SYCP2L: variants seen among roughly 807,000 people sequenced by gnomAD.
The protein encoded by SYCP2L is synaptonemal complex protein 2 like.
In SYCP2L, 98 loss-of-function variants were observed where a neutral mutation model predicts 125.8. That is an observed-to-expected ratio of 0.78 (90% CI 0.66 to 0.92). SYCP2L has a LOEUF of 0.92. Ranked by LOEUF, SYCP2L falls within the 40% of genes least tolerant of loss-of-function variation. The pLI is 0.00. For synonymous variants in SYCP2L, 317 were observed against 325.4 expected (o/e 0.97, Z 0.28); for missense variants, 842 against 936.4 (o/e 0.90, Z 1.32).
intron 11 of SYCP2L, 106 bp from the exon 12 acceptor site, chr6:10,910,718 G>A (rs866058557): frequency 8.4e-7 from 1 of 1,184,288 alleles, no homozygotes; most frequent in Non-Finnish European, 1.3e-6. Flanking sequence ...TCTGTACGAG[G>A]AGACTTAATG....
intron 23 of SYCP2L, 91 bp downstream of exon 23, chr6:10,942,837 T>TA: frequency 8.5e-7 from 1 of 1,179,134 alleles, no homozygotes; most frequent in Non-Finnish European, 1.2e-6. Context: ...AGATTGCAGA[T>TA]CAAGTCACTT....
At chr6:10,898,581 T>C (rs553234037) in intron 5 of SYCP2L, among the ~76,000 whole-genome samples, 1 of 152,304 alleles carries the variant, frequency 6.6e-6, no homozygotes, top group African/African-American at 2.4e-5. Context: ...AAGAAACATA[T>C]ATAACCGATG....
At position 10,947,571 on chromosome 6, in the gene SYCP2L, C is replaced by T. The variant is rs184832718; in HGVS notation, c.1954+4825C>T. ...AAAATTTGTTATTGCTAAAGTAGAG[C>T]GATACTGTTAATTTTTATAAAATAA... is the stretch of plus-strand genomic sequence containing the variant. On this transcript the variant is annotated intron_variant, in intron 23 of 29. Coordinates refer to ENST00000283141, the MANE Select transcript of SYCP2L (RefSeq NM_001040274.3). Among the ~76,000 whole-genome samples, 6 of 152,094 alleles carry T rather than the reference C, an allele frequency of 3.9e-5. No homozygotes were observed. The East Asian group carries it at 7.7e-4, about 20-fold the overall frequency.
Position 10,904,368 on chromosome 6 carries a change from C to T in SYCP2L, c.641+1405C>T, listed in dbSNP as rs201492281. 1.2e-4 allele frequency among the ~76,000 whole-genome samples: 19 copies of T among 152,328 alleles called. No homozygotes were observed. In the East Asian group the frequency reaches 3.5e-3, roughly 28 times the overall value. ...AACAACCAGCCAGCGCGGAGGACAT[C>T]ATGGTGGCACATTATTTGCGTGGTG... On this transcript the variant is annotated intron_variant, in intron 8 of 29. Coordinates refer to ENST00000283141, the MANE Select transcript of SYCP2L (RefSeq NM_001040274.3).
In SYCP2L at chr6:10,913,091, A is replaced by G. The variant is rs369699455; in HGVS notation, c.1072+164A>G. 5.3e-5 allele frequency among the ~76,000 whole-genome samples: 8 copies of G among 152,308 alleles called. No homozygotes were observed. In the East Asian group the frequency reaches 9.6e-4, roughly 18 times the overall value. On this transcript the variant is annotated intron_variant, in intron 14 of 29. Coordinates refer to ENST00000283141, the MANE Select transcript of SYCP2L (RefSeq NM_001040274.3). ...GCGCTGTCACAGGTTTGTGACTTCT[A>G]TGCTTTGTGACCTTGGGATTAAATT...
At position 10,927,233 on chromosome 6, in the gene SYCP2L, T is replaced by G. The variant is rs773023285; in HGVS notation, c.1313-7T>G. ...TATTATATTAGTCTTTTTCTTAATTTGTATAGAGCAGGCAGAAGAATCCAC... is the reference window on the plus strand; with the variant it reads ...TATTATATTAGTCTTTTTCTTAATTGGTATAGAGCAGGCAGAAGAATCCAC... On this transcript the variant is annotated splice_polypyrimidine_tract_variant and splice_region_variant and intron_variant, in intron 16 of 29. Coordinates refer to ENST00000283141, the MANE Select transcript of SYCP2L (RefSeq NM_001040274.3). 5.5e-5 allele frequency: 88 copies of G among 1,613,430 alleles called. No homozygotes were observed. The highest frequency in any genetic ancestry group is 7.3e-5 in the Non-Finnish European group (86 of 1,179,828).
At chr6:10,972,622 G>C (rs1581849563) in intron 29 of SYCP2L, among the ~76,000 whole-genome samples, 1 of 152,184 alleles carries the variant, frequency 6.6e-6, no homozygotes, top group South Asian at 2.1e-4. Flanking sequence ...TACACCCCAG[G>C]CAGGAAGAAG....
intron 7 of SYCP2L, 55 bp downstream of exon 7, chr6:10,902,817 T>C: frequency 6.2e-7 from 1 of 1,609,884 alleles, no homozygotes; most frequent in Non-Finnish European, 8.5e-7. Flanking sequence ...TAAAAGAAGA[T>C]CGTACATAGG....
chr6:10,933,073 A>C (rs1248032677), intron 20 of SYCP2L, among the ~76,000 whole-genome samples: 2 of 152,148 alleles, frequency 1.3e-5, no homozygotes, highest in East Asian at 3.9e-4. Context: ...AAAATCGATA[A>C]ATTTAAGCTG....
chr6:10,925,037 A>G (rs910808951), intron 15 of SYCP2L, among the ~76,000 whole-genome samples: 6 of 152,194 alleles, frequency 3.9e-5, no homozygotes, highest in Non-Finnish European at 7.3e-5. Flanking sequence ...AAGACATACC[A>G]GAGACTGGGT....
At chr6:10,942,952 A>G (rs1037793170) in intron 23 of SYCP2L, among the ~76,000 whole-genome samples, 3 of 152,010 alleles carry the variant, frequency 2.0e-5, no homozygotes, top group Admixed American at 6.6e-5. Context: ...CCATTCAGGA[A>G]CCAGGACCTC....
rs779643423 is a variant in SYCP2L at position 10,912,806 on chromosome 6, G to T, written c.1011+41G>T. ...TCTTGGTTAGAACTAAGCCTTTAGA[G>T]ATCTTTTTTATGTAAGTATGTGTTT... On this transcript the variant is annotated intron_variant, in intron 13 of 29. Transcript: ENST00000283141. This position sits in a 1 kb window ranked among gnomAD's most constrained non-coding sequence, Gnocchi z 4.1. The T allele has an allele frequency of 1.2e-6, 2 of 1,608,924 alleles. No individual in the cohort carries two copies. The highest frequency in any genetic ancestry group is 2.2e-5 in the South Asian group (2 of 90,784).
chr6:10,963,497 C>G, intron 28 of SYCP2L: 1 of 369,834 alleles, frequency 2.7e-6, no homozygotes, highest in Non-Finnish European at 5.0e-6. Context: ...TTATTTCAGC[C>G]CCTAGCTTAG....
rs541142061 is a variant in SYCP2L at position 10,938,304 on chromosome 6, A to C, written c.1813+3117A>C. Among the ~76,000 whole-genome samples the C allele has an allele frequency of 2.2e-4, 33 of 152,360 alleles. 1 individual carries two copies. The highest frequency in any genetic ancestry group is 1.9e-3 in the South Asian group (9 of 4,828). ...AAACCACATTAAGAGAATGAAGGTT[A>C]AATTCATAGAATCATTTCAATAGAT... On this transcript the variant is annotated intron_variant, in intron 21 of 29. Coordinates refer to ENST00000283141, the MANE Select transcript of SYCP2L (RefSeq NM_001040274.3).
chr6:10,934,676 T>G (rs1781061218), intron 20 of SYCP2L, among the ~76,000 whole-genome samples: 1 of 152,192 alleles, frequency 6.6e-6, no homozygotes, highest in African/African-American at 2.4e-5. Flanking sequence ...TGATTCCATC[T>G]TAAAAAAGAT....
intron 24 of SYCP2L, among the ~76,000 whole-genome samples, chr6:10,955,558 A>G (rs1222446313): frequency 2.0e-5 from 3 of 152,222 alleles, no homozygotes; most frequent in Admixed American, 1.3e-4. Context: ...ATTAAGAAGA[A>G]TGATCTGGAA....
intron 9 of SYCP2L, 53 bp downstream of exon 9, chr6:10,906,107 G>A (rs1780484245): frequency 9.6e-7 from 1 of 1,037,322 alleles, no homozygotes; most frequent in Non-Finnish European, 1.5e-6. Context: ...GGACACTGGG[G>A]GTTTTATGAG....
At chr6:10,926,674 G>C (rs1368963932) in intron 16 of SYCP2L, among the ~76,000 whole-genome samples, 1 of 152,140 alleles carries the variant, frequency 6.6e-6, no homozygotes, top group Admixed American at 6.5e-5. Context: ...AGGACATGGG[G>C]GTAAGGAAGG....
intron 21 of SYCP2L, among the ~76,000 whole-genome samples, chr6:10,939,118 TC>T (rs1781166015): frequency 6.8e-6 from 1 of 146,018 alleles, no homozygotes; most frequent in African/African-American, 2.6e-5. Context: ...AGACTCCATC[TC>T]AAAAAAAAAA....
Sources: gnomAD v4.1 joint callset for allele counts (sites outside exome capture counted in the v4.1 genomes callset) on GRCh38, gnomAD v4.1.1 for gene constraint, Gnocchi (gnomAD v3.1) non-coding constraint, MANE v1.5 for transcripts, NCBI Gene and HGNC (gene_info 2026-07-23, HGNC 2026-07-21) for gene names.